Variants in RASSF5 observed in about 807,000 individuals in gnomAD.
RASSF5 encodes ras association domain-containing protein 5.
Under a neutral mutation model 40.5 loss-of-function variants are expected in RASSF5, and 25 were observed. The observed-to-expected ratio is 0.62, with a 90% CI of 0.45 to 0.86. The LOEUF is 0.86. Among genes scored for constraint, RASSF5 ranks in the 40% least tolerant of loss-of-function variants. The pLI is 0.00. For synonymous variants in RASSF5, 246 were observed against 252.4 expected (o/e 0.97, Z 0.24); for missense variants, 521 against 572.8 (o/e 0.91, Z 0.92).
intron 2 of RASSF5, chr1:206,557,727 T>TG (rs782494932): frequency 6.4e-5 from 103 of 1,607,892 alleles, no homozygotes; most frequent in African/African-American, 4.7e-4. Flanking sequence ...GAGCCTTTCG[T>TG]GGGGGGAAAT....
Position 206,509,019 on chromosome 1 carries a change from A to T in RASSF5, c.457+960A>T, listed in dbSNP as rs1666544751. 2.0e-5 allele frequency among the ~76,000 whole-genome samples: 3 copies of T among 151,894 alleles called. No individual in the cohort carries two copies. The East Asian group carries it at 5.8e-4, about 29-fold the overall frequency. On this transcript the variant is annotated intron_variant, in intron 1 of 5. Transcript: ENST00000579436. ...GCATTTGCTCTTGCGTGTTTATCAG[A>T]GGATATCCACAGCCATGTGTTCATG...
intron 2 of RASSF5, among the ~76,000 whole-genome samples, chr1:206,561,048 A>G (rs1668123431): frequency 6.6e-6 from 1 of 152,200 alleles, no homozygotes; most frequent in Non-Finnish European, 1.5e-5. Context: ...GCGGGAACAC[A>G]GGCGTTCTGA....
rs570915720 is a variant in RASSF5, at chr1:206,529,559, G to A, written c.458-8613G>A. ...AAGACAAGGGCGCTTTGGCTAAGCT[G>A]GTGGAAGCTATCAGGACCGATTACA... On this transcript the variant is annotated intron_variant, in intron 1 of 5. Transcript: ENST00000579436. The A allele has an allele frequency of 4.0e-5, 35 of 867,916 alleles. No individual in the cohort carries two copies. The East Asian group carries it at 8.4e-4, about 21-fold the overall frequency. The allele number at this position is 867,916 out of a possible 1,614,324, so 53.8% of individuals were successfully genotyped here.
At chr1:206,524,384 A>T (rs1217445524) in intron 1 of RASSF5, among the ~76,000 whole-genome samples, 1 of 140,310 alleles carries the variant, frequency 7.1e-6, no homozygotes, top group African/African-American at 2.6e-5. Context: ...AATACATTTT[A>T]TATATATTAT....
In RASSF5 at chr1:206,584,283, C is replaced by A; in HGVS notation, c.691-104C>A. ...CCACGTCAGCAGAGGCAGGAAAGAA[C>A]TCAAGGAGACAGGTGGGTGCTGCTG... is the stretch of plus-strand genomic sequence containing the variant. On this transcript the variant is annotated intron_variant, in intron 3 of 5. Transcript: ENST00000579436. The surrounding 1 kb of genome is among the most constrained non-coding windows in gnomAD (Gnocchi z 4.9). 1.7e-6 allele frequency: 2 copies of A among 1,149,842 alleles called. No individual in the cohort carries two copies. The highest frequency in any genetic ancestry group is 1.6e-5 in the South Asian group (1 of 64,356). 71.2% of individuals were successfully genotyped at this position (1,149,842 alleles called of 1,614,324 possible). A position where few individuals can be genotyped will look rare whatever the true frequency, so the allele number is the denominator to read the frequency against.
At position 206,507,535 on chromosome 1, in the gene RASSF5, C is replaced by A; in HGVS notation, c.-68C>A. ...GCTGGTGTGGGGCGGCCCCTTCTCT[C>A]GGGGCTGGCTCGGGAGTAGCGCAGT... On this transcript the variant is annotated 5_prime_UTR_variant, in exon 1 of 6. Transcript: ENST00000579436. The A allele has an allele frequency of 1.6e-6, 2 of 1,260,784 alleles. No individual in the cohort carries two copies. Among genetic ancestry groups the A allele is most frequent in the Non-Finnish European group, 2.1e-6 (2 of 963,168 alleles). The allele number at this position is 1,260,784 out of a possible 1,614,324, so 78.1% of individuals were successfully genotyped here.
chr1:206,582,050 G>A (rs1668908955), intron 2 of RASSF5, among the ~76,000 whole-genome samples: 1 of 152,184 alleles, frequency 6.6e-6, no homozygotes, highest in East Asian at 1.9e-4. Flanking sequence ...TCCACCCCAA[G>A]TCTGCTACAC....
intron 2 of RASSF5, among the ~76,000 whole-genome samples, chr1:206,568,944 A>G (rs1668361311): frequency 6.6e-6 from 1 of 152,126 alleles, no homozygotes; most frequent in Non-Finnish European, 1.5e-5. Context: ...CCGTGACTCT[A>G]TGACCACATC....
intron 3 of RASSF5, 109 bp downstream of exon 3, chr1:206,583,488 C>A: frequency 1.3e-6 from 1 of 771,068 alleles, no homozygotes; most frequent in South Asian, 1.5e-5. Flanking sequence ...AGGTCCCCTC[C>A]CTTTCCTCCG....
intron 3 of RASSF5, 163 bp downstream of exon 3, chr1:206,583,542 C>CCT: frequency 1.6e-6 from 1 of 606,494 alleles, no homozygotes; most frequent in Non-Finnish European, 3.0e-6. Context: ...TAGCCAGAGC[C>CCT]CTCAGTGGCC....
chr1:206,558,144 G>C (rs1307040038), intron 2 of RASSF5, among the ~76,000 whole-genome samples: 1 of 152,202 alleles, frequency 6.6e-6, no homozygotes, highest in African/African-American at 2.4e-5. Flanking sequence ...ATTTGAAGTG[G>C]CCAGAAACCA....
Position 206,507,710 on chromosome 1 carries a change from GC to G in RASSF5, c.114del (p.Asp39ThrfsTer127), listed in dbSNP as rs1344667401. 9 of 1,487,554 alleles carry G rather than the reference GC, an allele frequency of 6.1e-6. No individual in the cohort carries two copies. The Admixed American group carries it at 6.9e-5, about 11-fold the overall frequency. 92.1% of individuals were successfully genotyped at this position (1,487,554 alleles called of 1,614,324 possible). ...SLSGPELPPPPPDRSSRLCVP... is the reference protein window; with the variant it reads ...SLSGPELPPPXPDRSSRLCVP... ...TGAGCGGCCCCGAGCTACCGCCGCC[GC>G]CCCCCGACCGGTCCTCGCGCCTCTG... On this transcript the variant is annotated frameshift_variant, in exon 1 of 6. Transcript: ENST00000579436. LOFTEE classifies it high-confidence loss of function.
At position 206,588,950 on chromosome 1, in the gene RASSF5, GAAAA is replaced by G. The variant is rs1261089762; in HGVS notation, c.*1978_*1981del. 6.7e-6 allele frequency: 1 copy of G among 150,334 alleles called. No homozygotes were observed. Among genetic ancestry groups the G allele is most frequent in the African/African-American group, 2.5e-5 (1 of 40,776 alleles). 9.3% of individuals were successfully genotyped at this position (150,334 alleles called of 1,614,324 possible). ...GGATGGCTATTTTATTTTTGAGAAG[GAAAA>G]AAAAAGTCATGTATATATACACATA... On this transcript the variant is annotated 3_prime_UTR_variant, in exon 6 of 6. Transcript: ENST00000579436.
At chr1:206,582,484 T>A (rs1228258040) in intron 2 of RASSF5, among the ~76,000 whole-genome samples, 1 of 152,204 alleles carries the variant, frequency 6.6e-6, no homozygotes, top group African/African-American at 2.4e-5. Context: ...GGTAATAAAC[T>A]ATCTTACAGA....
At chr1:206,526,496 C>A (rs1355648674) in intron 1 of RASSF5, among the ~76,000 whole-genome samples, 1 of 152,130 alleles carries the variant, frequency 6.6e-6, no homozygotes, top group Non-Finnish European at 1.5e-5. Flanking sequence ...GCTGCCTGAC[C>A]CTTGGAGTGG....
rs1020792849 is a variant in RASSF5, at chr1:206,535,651, G to A, written c.458-2521G>A. On this transcript the variant is annotated intron_variant, in intron 1 of 5. Coordinates refer to ENST00000579436, the MANE Select transcript of RASSF5 (RefSeq NM_182663.4). This position sits in a 1 kb window ranked among gnomAD's most constrained non-coding sequence, Gnocchi z 5.0. ...ACTTCTCAGAGTCTTCTGCTACTTAGTGTTGTCCAGCTCAGCATGGTGATG... is the reference window on the plus strand; with the variant it reads ...ACTTCTCAGAGTCTTCTGCTACTTAATGTTGTCCAGCTCAGCATGGTGATG... Among the ~76,000 whole-genome samples, 2 of 151,916 alleles carry A rather than the reference G, an allele frequency of 1.3e-5. No individual in the cohort carries two copies. Among genetic ancestry groups the A allele is most frequent in the Non-Finnish European group, 2.9e-5 (2 of 67,986 alleles).
rs545577239 is a variant in RASSF5 at position 206,548,638 on chromosome 1, C to A, written c.579+10345C>A. ...AATTGGTTACAATGTGCCTTTTGTA[C>A]TTGTCTTTATGTTTCTTGTACTGGG... On this transcript the variant is annotated intron_variant, in intron 2 of 5. Coordinates refer to ENST00000579436, the MANE Select transcript of RASSF5 (RefSeq NM_182663.4). 5.9e-5 allele frequency among the ~76,000 whole-genome samples: 9 copies of A among 152,264 alleles called. No homozygotes were observed. In the East Asian group the frequency reaches 1.7e-3, roughly 29 times the overall value.
rs1320475043 is a variant in RASSF5, at chr1:206,552,738, G to A, written c.579+14445G>A. ...TCATTCATCTGCAAAATACCTTCTT[G>A]CAGGGTTCTGAGGATTAAGTGAGAT... On this transcript the variant is annotated intron_variant, in intron 2 of 5. Transcript: ENST00000579436. The surrounding 1 kb of genome is among the most constrained non-coding windows in gnomAD (Gnocchi z 4.1). Among the ~76,000 whole-genome samples, 1 of 152,186 alleles carries A rather than the reference G, an allele frequency of 6.6e-6. No individual in the cohort carries two copies. The highest frequency in any genetic ancestry group is 1.5e-5 in the Non-Finnish European group (1 of 68,042).
intron 2 of RASSF5, among the ~76,000 whole-genome samples, chr1:206,562,809 C>G (rs1668178925): frequency 6.6e-6 from 1 of 152,040 alleles, no homozygotes; most frequent in Admixed American, 6.6e-5. Context: ...GGCAGGCTAA[C>G]TACTTGGGAG....
Sources: allele counts gnomAD v4.1 joint callset (sites outside exome capture counted in the v4.1 genomes callset), GRCh38; gene constraint gnomAD v4.1.1; non-coding constraint Gnocchi (gnomAD v3.1); transcripts MANE v1.5; gene names NCBI Gene and HGNC (gene_info 2026-07-23, HGNC 2026-07-21).